CD2AP: variants seen among roughly 807,000 people sequenced by gnomAD.
The protein encoded by CD2AP is CD2-associated protein.
CD2AP carries 46 observed loss-of-function variants against 85.1 expected under a neutral mutation model. The observed-to-expected ratio is 0.54, with a 90% confidence interval of 0.43 to 0.69. CD2AP has a LOEUF of 0.69. Among genes scored for constraint, CD2AP ranks in the 30% least tolerant of loss-of-function variants. CD2AP has a pLI of 0.00. For synonymous variants in CD2AP, 255 were observed against 252.9 expected (o/e 1.01, Z -0.08); for missense variants, 769 against 729.5 (o/e 1.05, Z -0.62).
intron 1 of CD2AP, among the ~76,000 whole-genome samples, chr6:47,488,708 A>G (rs899891127): frequency 3.0e-5 from 4 of 132,582 alleles, no homozygotes; most frequent in African/African-American, 8.4e-5. Flanking sequence ...GCAACAAAGC[A>G]AGACTCCATC....
intron 2 of CD2AP, among the ~76,000 whole-genome samples, chr6:47,505,908 C>CG (rs1248959732): frequency 8.7e-6 from 1 of 115,444 alleles, no homozygotes; most frequent in Non-Finnish European, 1.9e-5. Context: ...GCTGACCCCC[C>CG]CCACCTCCCT....
intron 1 of CD2AP, among the ~76,000 whole-genome samples, chr6:47,495,534 A>G (rs762449801): frequency 1.3e-5 from 2 of 152,190 alleles, no homozygotes; most frequent in Non-Finnish European, 2.9e-5. Flanking sequence ...GTAGGAGACT[A>G]CTAGTGTTCC....
At chr6:47,518,269 T>A (rs993808389) in intron 2 of CD2AP, among the ~76,000 whole-genome samples, 2 of 152,198 alleles carry the variant, frequency 1.3e-5, no homozygotes, top group African/African-American at 4.8e-5. Context: ...TTCTGTGAGT[T>A]TTGACAAATA....
chr6:47,620,038 TC>T (rs1250060462), intron 17 of CD2AP, among the ~76,000 whole-genome samples: 2 of 152,256 alleles, frequency 1.3e-5, no homozygotes, highest in Non-Finnish European at 1.5e-5. Flanking sequence ...TGTTGACTGT[TC>T]CATTTGCCAT....
intron 2 of CD2AP, among the ~76,000 whole-genome samples, chr6:47,507,559 C>T (rs1017833715): frequency 1.3e-5 from 2 of 152,230 alleles, no homozygotes; most frequent in African/African-American, 4.8e-5. Flanking sequence ...CTAGTTCAAG[C>T]GATTCTCCTT....
At chr6:47,595,149 TAA>T (rs908601427) in intron 11 of CD2AP, among the ~76,000 whole-genome samples, 1 of 152,056 alleles carries the variant, frequency 6.6e-6, no homozygotes, top group African/African-American at 2.4e-5. Context: ...TCATGTGTAA[TAA>T]AAGAGTACTT....
chr6:47,530,956 G>A (rs1420672973), intron 2 of CD2AP, among the ~76,000 whole-genome samples: 3 of 151,968 alleles, frequency 2.0e-5, no homozygotes, highest in Admixed American at 1.3e-4. Context: ...ATAACTGAAC[G>A]TTATTTTAAA....
At chr6:47,547,252 A>G (rs1767387687) in intron 4 of CD2AP, among the ~76,000 whole-genome samples, 1 of 152,194 alleles carries the variant, frequency 6.6e-6, no homozygotes, top group South Asian at 2.1e-4. Context: ...CATATACAGA[A>G]TTGCAGAATG....
At chr6:47,499,837 T>A (rs1765956449) in intron 1 of CD2AP, among the ~76,000 whole-genome samples, 1 of 152,166 alleles carries the variant, frequency 6.6e-6, no homozygotes, top group Non-Finnish European at 1.5e-5. Context: ...CAAGCCATTC[T>A]TCTGCCTCAG....
At position 47,574,140 on chromosome 6, in the gene CD2AP, A is replaced by G. The variant is rs764430418; in HGVS notation, c.618A>G (p.Thr206=). ...NVSETASGSV[T]QPKKIRGIGF... is the part of the protein sequence containing the mutation. ...GTGAAACTGCATCTGGATCAGTTAC[A>G]CAGCCAAAGAAAATTCGAGGAATTG... is the stretch of plus-strand genomic sequence containing the variant. The change falls in exon 6 of 18, where the codon ACA becomes ACG. Residue 206 remains threonine, a synonymous_variant. Coordinates refer to ENST00000359314, the MANE Select transcript of CD2AP (RefSeq NM_012120.3). 1 of 1,614,070 alleles carries G rather than the reference A, an allele frequency of 6.2e-7. No individual in the cohort carries two copies. The highest frequency in any genetic ancestry group is 1.1e-5 in the South Asian group (1 of 91,080).
Position 47,477,804 on chromosome 6 carries a change from C to A in CD2AP, c.-441C>A, listed in dbSNP as rs111766401. On this transcript the variant is annotated 5_prime_UTR_variant, in exon 1 of 18. Transcript: ENST00000359314. ...CCTTCTCGGCCTCTGTCTGGGTCCCCACCTTAGTCTACGGTGTCGCCTTTT... is the reference window on the plus strand; with the variant it reads ...CCTTCTCGGCCTCTGTCTGGGTCCCAACCTTAGTCTACGGTGTCGCCTTTT... 7.2e-3 allele frequency: 1,464 copies of A among 202,014 alleles called. 24 individuals are homozygous for A. Among genetic ancestry groups the A allele is most frequent in the African/African-American group, 0.033 (1,375 of 42,138 alleles). The allele number at this position is 202,014 out of a possible 1,614,324, so 12.5% of individuals were successfully genotyped here.
At chr6:47,501,259 A>G (rs1310770596) in intron 1 of CD2AP, among the ~76,000 whole-genome samples, 1 of 152,158 alleles carries the variant, frequency 6.6e-6, no homozygotes, top group Non-Finnish European at 1.5e-5. Flanking sequence ...CCTTCATCTC[A>G]TGCTTATTTG....
chr6:47,613,763 C>T (rs1769507829), intron 17 of CD2AP, among the ~76,000 whole-genome samples: 1 of 152,176 alleles, frequency 6.6e-6, no homozygotes, highest in African/African-American at 2.4e-5. Flanking sequence ...CAGGGATTGA[C>T]TTCTCTCTAG....
chr6:47,606,128 G>A (rs1198339412), intron 13 of CD2AP, 37 bp from the exon 14 acceptor site: 1 of 1,085,152 alleles, frequency 9.2e-7, no homozygotes, highest in Admixed American at 1.7e-5. Flanking sequence ...AAAAGGTACA[G>A]TTCTCTTAGT....
At chr6:47,565,831 T>A (rs1278165578) in intron 5 of CD2AP, among the ~76,000 whole-genome samples, 1 of 152,318 alleles carries the variant, frequency 6.6e-6, no homozygotes, top group African/African-American at 2.4e-5. Context: ...ACCTACTTAC[T>A]GAATAGTCTG....
At chr6:47,614,110 A>G (rs1769520714) in intron 17 of CD2AP, among the ~76,000 whole-genome samples, 1 of 152,164 alleles carries the variant, frequency 6.6e-6, no homozygotes, top group Non-Finnish European at 1.5e-5. Context: ...AGACCACTCA[A>G]ACTTTCCTTC....
intron 1 of CD2AP, among the ~76,000 whole-genome samples, chr6:47,480,036 A>C (rs1765406147): frequency 6.6e-6 from 1 of 152,052 alleles, no homozygotes; most frequent in South Asian, 2.1e-4. Context: ...ACCTATTTTG[A>C]TTGTCCAGAG....
intron 1 of CD2AP, among the ~76,000 whole-genome samples, chr6:47,482,158 G>C (rs1765462344): frequency 1.3e-5 from 2 of 152,202 alleles, no homozygotes; most frequent in South Asian, 4.2e-4. Context: ...TTAAACTACA[G>C]AGCATGAAAA....
intron 16 of CD2AP, 132 bp from the exon 17 acceptor site, chr6:47,612,341 A>T: frequency 3.1e-6 from 2 of 647,280 alleles, no homozygotes; most frequent in South Asian, 3.5e-5. Flanking sequence ...CATTTTTCTT[A>T]ATTAACATTG....
Sources: allele counts gnomAD v4.1 joint callset (sites outside exome capture counted in the v4.1 genomes callset), GRCh38; gene constraint gnomAD v4.1.1; transcripts MANE v1.5; gene names NCBI Gene and HGNC (gene_info 2026-07-23, HGNC 2026-07-21).